The following KLHL15 variants were observed in gnomAD, a reference collection of about 807,000 sequenced individuals.
KLHL15 encodes kelch-like protein 15.
Under a neutral mutation model 29.3 loss-of-function variants are expected in KLHL15, and 1 was observed. The ratio of observed to expected loss-of-function variants is 0.03; its 90% CI spans 0.01 to 0.16. The LOEUF is 0.16. Among genes scored for constraint, KLHL15 ranks in the 10% least tolerant of loss-of-function variants. The pLI is 1.00. For missense variants in KLHL15, 215 were observed against 478.5 expected (o/e 0.45, Z 5.14); for synonymous variants, 212 against 184.5 (o/e 1.15, Z -1.21).
intron 1 of KLHL15, among the ~76,000 whole-genome samples, chrX:24,025,719 G>T (rs1385212964): frequency 2.8e-4 from 31 of 108,971 alleles, no homozygotes; most frequent in Non-Finnish European, 9.7e-5. Flanking sequence ...GTGTGGGAAC[G>T]GGGGGGAAGG....
At chrX:24,016,534 G>T (rs181538439) in intron 2 of KLHL15, among the ~76,000 whole-genome samples, 197 of 108,249 alleles carry the variant, frequency 1.8e-3, no homozygotes, top group African/African-American at 6.4e-3. Flanking sequence ...AGGTGTTGTG[G>T]CTCACGCCTG....
chrX:23,995,123 T>C (rs1426598795), intron 3 of KLHL15, among the ~76,000 whole-genome samples: 3 of 111,838 alleles, frequency 2.7e-5, no homozygotes, highest in Admixed American at 1.9e-4. Context: ...CACACACGCA[T>C]ATATACACAC....
At chrX:24,013,084 C>T (rs777918509) in intron 2 of KLHL15, among the ~76,000 whole-genome samples, 7 of 111,083 alleles carry the variant, frequency 6.3e-5, no homozygotes, top group Non-Finnish European at 1.3e-4. Flanking sequence ...CAAGTTTGGT[C>T]TTGTTCATCT....
intron 2 of KLHL15, among the ~76,000 whole-genome samples, chrX:24,010,794 C>G (rs1929557640): frequency 9.0e-6 from 1 of 111,032 alleles, no homozygotes; most frequent in Admixed American, 9.7e-5. Context: ...CTACAGTCAA[C>G]TGCTGTCACT....
intron 3 of KLHL15, among the ~76,000 whole-genome samples, chrX:23,992,155 C>T (rs1929100435): frequency 1.8e-5 from 2 of 112,060 alleles, no homozygotes; most frequent in Non-Finnish European, 3.8e-5. Context: ...AAATTTCTGA[C>T]TTTGGCACTC....
intron 2 of KLHL15, among the ~76,000 whole-genome samples, chrX:24,023,062 A>G (rs1412858855): frequency 9.0e-6 from 1 of 111,556 alleles, no homozygotes; most frequent in African/African-American, 3.3e-5. Flanking sequence ...TTGATGTTTA[A>G]TGTCGTTCTG....
At position 24,001,908 on chromosome X, in the gene KLHL15, T is replaced by C. The variant is rs1447617368; in HGVS notation, c.705+4081A>G. Among the ~76,000 whole-genome samples the C allele has an allele frequency of 4.5e-4, 43 of 96,266 alleles. 1 individual carries two copies. The East Asian group carries it at 7.2e-3, about 16-fold the overall frequency. 83.6% of individuals were successfully genotyped at this position (96,266 alleles called of 115,157 possible). On this transcript the variant is annotated intron_variant, in intron 3 of 3. Transcript: ENST00000328046. Reference sequence around the variant, plus strand: ...CAGCACTTTGGGAGGCCAAGGCGGGTGGATCACAAGGTCAGGAGATCGAGA... The same window carrying C: ...CAGCACTTTGGGAGGCCAAGGCGGGCGGATCACAAGGTCAGGAGATCGAGA...
intron 3 of KLHL15, among the ~76,000 whole-genome samples, chrX:23,989,676 G>T (rs966833832): frequency 2.7e-5 from 3 of 111,293 alleles, no homozygotes; most frequent in Non-Finnish European, 5.7e-5. Context: ...TGAATCATTT[G>T]GGGAGTTAAG....
chrX:23,996,461 G>A (rs1055609581), intron 3 of KLHL15, among the ~76,000 whole-genome samples: 25 of 111,613 alleles, frequency 2.2e-4, no homozygotes, highest in Admixed American at 1.6e-3. Context: ...TCAGGAGTTC[G>A]AGACTAGCCT....
chrX:23,998,029 T>G (rs1348149950), intron 3 of KLHL15, among the ~76,000 whole-genome samples: 5 of 110,510 alleles, frequency 4.5e-5, no homozygotes, highest in African/African-American at 1.6e-4. Context: ...TGGCACAATC[T>G]CAGCGCACTG....
At chrX:24,019,773 A>G (rs1348521875) in intron 2 of KLHL15, among the ~76,000 whole-genome samples, 1 of 112,086 alleles carries the variant, frequency 8.9e-6, no homozygotes, top group Non-Finnish European at 1.9e-5. Flanking sequence ...TGACCAGTAA[A>G]AAAAGAAGTT....
At chrX:24,021,608 G>C (rs761698785) in intron 2 of KLHL15, among the ~76,000 whole-genome samples, 1 of 112,160 alleles carries the variant, frequency 8.9e-6, no homozygotes, top group African/African-American at 3.2e-5. Context: ...ATATTTGTTG[G>C]AAAGACAGAT....
chrX:24,007,508 AATATATATATATAT>A (rs759758947), intron 2 of KLHL15, among the ~76,000 whole-genome samples: 1 of 35,938 alleles, frequency 2.8e-5, no homozygotes, highest in Non-Finnish European at 4.6e-5. Flanking sequence ...AAAAAAAAAA[AATATATATATATAT>A]ATATATATAT....
intron 3 of KLHL15, among the ~76,000 whole-genome samples, chrX:24,002,366 A>G: frequency 9.0e-6 from 1 of 111,675 alleles, no homozygotes; most frequent in Non-Finnish European, 1.9e-5. Context: ...GTAAAAATAC[A>G]TGCCACAGAC....
chrX:24,024,520 C>G (rs759303518), intron 2 of KLHL15, among the ~76,000 whole-genome samples: 75 of 111,974 alleles, frequency 6.7e-4, no homozygotes, highest in Admixed American at 2.5e-3. Flanking sequence ...CTTCCGATTC[C>G]TAGTTTTATG....
intron 3 of KLHL15, among the ~76,000 whole-genome samples, chrX:23,997,464 G>A (rs1929212760): frequency 9.1e-6 from 1 of 109,731 alleles, no homozygotes; most frequent in Non-Finnish European, 1.9e-5. Flanking sequence ...TTGGCCAGGC[G>A]GGGTGGCTCA....
chrX:23,994,232 C>T (rs1347025284), intron 3 of KLHL15, among the ~76,000 whole-genome samples: 1 of 111,357 alleles, frequency 9.0e-6, no homozygotes, highest in Non-Finnish European at 1.9e-5. Flanking sequence ...AATGTTTCAA[C>T]ACAAGAGAAG....
At chrX:23,998,675 C>T (rs1394573439) in intron 3 of KLHL15, among the ~76,000 whole-genome samples, 1 of 111,663 alleles carries the variant, frequency 9.0e-6, no homozygotes, top group Non-Finnish European at 1.9e-5. Context: ...AGGTTTCATC[C>T]TAAAACTAAC....
chrX:23,992,708 T>A (rs1929109284), intron 3 of KLHL15, among the ~76,000 whole-genome samples: 1 of 112,334 alleles, frequency 8.9e-6, no homozygotes, highest in Non-Finnish European at 1.9e-5. Flanking sequence ...GACTGCATAA[T>A]TGCAAAATAC....
Sources: gnomAD v4.1 joint callset for allele counts (sites outside exome capture counted in the v4.1 genomes callset) on GRCh38, gnomAD v4.1.1 for gene constraint, MANE v1.5 for transcripts, NCBI Gene and HGNC (gene_info 2026-07-23, HGNC 2026-07-21) for gene names.